C10orf67: variants seen among roughly 807,000 people sequenced by gnomAD.
The protein encoded by C10orf67 is uncharacterized protein C10orf67, mitochondrial.
In C10orf67, 60 loss-of-function variants were observed where a neutral mutation model predicts 35.6. The ratio of observed to expected loss-of-function variants is 1.68; its 90% CI spans 1.37 to 2.09. C10orf67 has a LOEUF of 2.09. Ranked by LOEUF, C10orf67 falls within the 30% of genes most tolerant of loss-of-function variation. The pLI, the probability that C10orf67 is intolerant of heterozygous loss-of-function variation, is 0.00. For missense variants in C10orf67, 474 were observed against 330.2 expected, an observed-to-expected ratio of 1.44 and a Z score of -3.38; for synonymous variants, 167 against 115.8, an observed-to-expected ratio of 1.44 and a Z score of -2.84.
chr10:23,250,457 G>A lies in C10orf67; in HGVS notation c.1344C>T (p.Asn448=). The A allele has an allele frequency of 2.5e-6, 1 of 398,472 alleles. No homozygotes were observed. The highest frequency in any genetic ancestry group is 4.4e-6 in the Non-Finnish European group (1 of 225,792). 24.7% of individuals were successfully genotyped at this position (398,472 alleles called of 1,614,324 possible). The change falls in exon 12 of 16, where the codon AAC becomes AAT. Residue 448 remains asparagine, a splice_region_variant and synonymous_variant. Transcript: ENST00000636213. ...AATTTGTATATTTCACACCATACCTGTTCCTGAGAATAAAGAATCTCTTTT... is the reference window on the plus strand; with the variant it reads ...AATTTGTATATTTCACACCATACCTATTCCTGAGAATAAAGAATCTCTTTT... ...SWEKRFFILR[N]SFHVLKNEMF... is the part of the protein sequence containing the mutation.
intron 8 of C10orf67, among the ~76,000 whole-genome samples, chr10:23,281,407 T>C (rs1333675128): frequency 6.6e-6 from 1 of 152,234 alleles, no homozygotes; most frequent in African/African-American, 2.4e-5. Context: ...AGCTGTGTTT[T>C]ATTTTTTATT....
chr10:23,233,697 T>C (rs1841969824), intron 13 of C10orf67, among the ~76,000 whole-genome samples: 1 of 152,218 alleles, frequency 6.6e-6, no homozygotes, highest in Admixed American at 6.5e-5. Flanking sequence ...GAGGGGAATA[T>C]ATTGATGAAA....
At chr10:23,226,774 C>A (rs573715084) in intron 13 of C10orf67, among the ~76,000 whole-genome samples, 1 of 152,270 alleles carries the variant, frequency 6.6e-6, no homozygotes, top group Non-Finnish European at 1.5e-5. Flanking sequence ...ACCGATCCCA[C>A]AGAAACACAA....
chr10:23,237,398 G>A (rs1268935694), intron 13 of C10orf67, among the ~76,000 whole-genome samples: 1 of 152,062 alleles, frequency 6.6e-6, no homozygotes, highest in African/African-American at 2.4e-5. Flanking sequence ...CACACTTCCT[G>A]TGTCCTCGCC....
intron 7 of C10orf67, 64 bp from the exon 8 acceptor site, chr10:23,282,142 C>T (rs1843388979): frequency 2.3e-6 from 1 of 426,922 alleles, no homozygotes; most frequent in South Asian, 6.6e-5. Context: ...AATCCCTCCT[C>T]AAGAAAATTT....
chr10:23,294,552 A>G (rs553406735), intron 5 of C10orf67, among the ~76,000 whole-genome samples: 3 of 152,268 alleles, frequency 2.0e-5, no homozygotes, highest in African/African-American at 4.8e-5. Flanking sequence ...AAACCTGAAC[A>G]TTTCATCCCT....
chr10:23,244,297 G>T (rs2132146399), intron 12 of C10orf67, among the ~76,000 whole-genome samples: 1 of 152,220 alleles, frequency 6.6e-6, no homozygotes, highest in East Asian at 1.9e-4. Flanking sequence ...ACTTGTGGGA[G>T]GCAGCTCAAA....
chr10:23,338,830 G>A (rs910031424), intron 1 of C10orf67, among the ~76,000 whole-genome samples: 1 of 152,112 alleles, frequency 6.6e-6, no homozygotes, highest in Admixed American at 6.6e-5. Context: ...GCAACATAGT[G>A]AGACCCTGTC....
chr10:23,258,935 T>C (rs372231629), intron 10 of C10orf67, among the ~76,000 whole-genome samples: 1 of 152,232 alleles, frequency 6.6e-6, no homozygotes, highest in Non-Finnish European at 1.5e-5. Flanking sequence ...TTGTAGCAAA[T>C]GAAAGAATAC....
In C10orf67 at chr10:23,303,460, C is replaced by T. The variant is rs1308419599; in HGVS notation, c.547-1G>A. The T allele has an allele frequency of 3.7e-6, 2 of 546,124 alleles. No homozygotes were observed. Among genetic ancestry groups the T allele is most frequent in the East Asian group, 3.2e-5 (1 of 31,078 alleles). The allele number at this position is 546,124 out of a possible 1,614,324, so 33.8% of individuals were successfully genotyped here. A position where few individuals can be genotyped will look rare whatever the true frequency, so the allele number is the denominator to read the frequency against. ...TCTCTTCTTCTACCTCAAAGAATTGCTAGGGACAAAAAAAAGCAGCATTAA... is the reference window on the plus strand; with the variant it reads ...TCTCTTCTTCTACCTCAAAGAATTGTTAGGGACAAAAAAAAGCAGCATTAA... On this transcript the variant is annotated splice_acceptor_variant, in intron 4 of 15. Transcript: ENST00000636213. LOFTEE classifies it high-confidence loss of function.
At chr10:23,250,911 A>T (rs537253812) in intron 10 of C10orf67, among the ~76,000 whole-genome samples, 17 of 152,254 alleles carry the variant, frequency 1.1e-4, no homozygotes, top group Admixed American at 2.6e-4. Context: ...CGGTCTGGGC[A>T]ATATAGTGGG....
rs553277501 is a variant in C10orf67, at chr10:23,296,501, A to G, written c.703-5222T>C. 1.1e-4 allele frequency among the ~76,000 whole-genome samples: 17 copies of G among 152,328 alleles called. 1 individual carries two copies. In the South Asian group the frequency reaches 3.5e-3, roughly 32 times the overall value. On this transcript the variant is annotated intron_variant, in intron 5 of 15. Transcript: ENST00000636213. ...AGGCTTAGGGATTCTTAGTCGGCCTAGGAAATCCAGCTAGTCCTGTCTCTC... is the reference window on the plus strand; with the variant it reads ...AGGCTTAGGGATTCTTAGTCGGCCTGGGAAATCCAGCTAGTCCTGTCTCTC...
chr10:23,248,404 C>T (rs535020087), intron 12 of C10orf67, among the ~76,000 whole-genome samples: 6 of 152,262 alleles, frequency 3.9e-5, no homozygotes, highest in South Asian at 2.1e-4. Context: ...TGCTCTTGTC[C>T]GCACTGCTCA....
chr10:23,221,834 G>A (rs1313435063), intron 15 of C10orf67, among the ~76,000 whole-genome samples: 1 of 152,096 alleles, frequency 6.6e-6, no homozygotes, highest in Non-Finnish European at 1.5e-5. Flanking sequence ...GTAAATTTTG[G>A]ATTAACTGGA....
At chr10:23,241,523 C>T (rs564419078) in intron 12 of C10orf67, among the ~76,000 whole-genome samples, 47 of 152,222 alleles carry the variant, frequency 3.1e-4, no homozygotes, top group Non-Finnish European at 5.6e-4. Context: ...GAACATTGCC[C>T]CCCATGAAGA....
chr10:23,279,098 A>G (rs902912419), intron 8 of C10orf67, among the ~76,000 whole-genome samples: 1 of 152,184 alleles, frequency 6.6e-6, no homozygotes, highest in Non-Finnish European at 1.5e-5. Context: ...TATTTTATAA[A>G]TGTTATTTTA....
At chr10:23,263,427 C>T (rs1052430433) in intron 10 of C10orf67, among the ~76,000 whole-genome samples, 5 of 152,170 alleles carry the variant, frequency 3.3e-5, no homozygotes, top group Admixed American at 2.6e-4. Flanking sequence ...TGCAAGGTGA[C>T]TATGGTCATA....
chr10:23,223,938 T>C (rs1841660651), intron 13 of C10orf67, 120 bp from the exon 14 acceptor site: 4 of 641,992 alleles, frequency 6.2e-6, no homozygotes, highest in Non-Finnish European at 1.1e-5. Context: ...TTGTCACTTA[T>C]TTGCTCAAAT....
chr10:23,210,357 T>C (rs913595974), intron 15 of C10orf67, among the ~76,000 whole-genome samples: 2 of 152,158 alleles, frequency 1.3e-5, no homozygotes, highest in Non-Finnish European at 2.9e-5. Context: ...CAAATAGGGA[T>C]ATTGTGAGAA....
Sources: allele counts gnomAD v4.1 joint callset (sites outside exome capture counted in the v4.1 genomes callset), GRCh38; gene constraint gnomAD v4.1.1; transcripts MANE v1.5; gene names NCBI Gene and HGNC (gene_info 2026-07-23, HGNC 2026-07-21).